The following U2AF2 variants were observed in gnomAD, a reference collection of about 807,000 sequenced individuals.
U2AF2 encodes splicing factor U2AF 65 kDa subunit.
Under a neutral mutation model 52.6 loss-of-function variants are expected in U2AF2, and 6 were observed. That is an observed-to-expected ratio of 0.11 (90% confidence interval 0.06 to 0.23). U2AF2 has a LOEUF of 0.23. Ranked by LOEUF, U2AF2 falls within the 10% of genes least tolerant of loss-of-function variation. U2AF2 has a pLI of 1.00. For synonymous variants in U2AF2, 284 were observed against 258.2 expected (o/e 1.10, Z -0.96); for missense variants, 222 against 677.1 (o/e 0.33, Z 7.46).
chr19:55,656,413 A>C (rs1408387103), intron 1 of U2AF2, among the ~76,000 whole-genome samples: 1 of 152,206 alleles, frequency 6.6e-6, no homozygotes, highest in African/African-American at 2.4e-5. Flanking sequence ...ACTGCTCAAG[A>C]GCATAGGCTT....
At chr19:55,666,117 G>T (rs1984534507) in intron 7 of U2AF2, among the ~76,000 whole-genome samples, 1 of 152,204 alleles carries the variant, frequency 6.6e-6, no homozygotes, top group African/African-American at 2.4e-5. Flanking sequence ...AGGTGATGGG[G>T]TGCTCTGGCA....
Position 55,674,274 on chromosome 19 carries a change from T to C in U2AF2, c.*206T>C, listed in dbSNP as rs1044600619. 1.9e-6 allele frequency: 1 copy of C among 529,802 alleles called. No homozygotes were observed. Among genetic ancestry groups the C allele is most frequent in the Admixed American group, 3.5e-5 (1 of 28,938 alleles). 32.8% of individuals were successfully genotyped at this position (529,802 alleles called of 1,614,324 possible). On this transcript the variant is annotated 3_prime_UTR_variant, in exon 12 of 12. Coordinates refer to ENST00000308924, the MANE Select transcript of U2AF2 (RefSeq NM_007279.3). ...TAGGGCAGGGAGGGGACTGGGGAAG[T>C]GCGCACACAGCCCACACAGACAACA...
rs138554269 is a variant in U2AF2 at position 55,674,044 on chromosome 19, T to C, written c.1404T>C (p.Ser468=). Residue 468 remains serine, a synonymous_variant, in exon 12 of 12, where the codon TCT becomes TCC. Transcript: ENST00000308924. ...VVVTKYCDPD[S]YHRRDFW ...TCACAAAATACTGTGACCCCGACTC[T>C]TATCACCGCCGGGACTTCTGGTAGA... 6.2e-7 allele frequency: 1 copy of C among 1,613,096 alleles called. No homozygotes were observed. The highest frequency in any genetic ancestry group is 1.3e-5 in the African/African-American group (1 of 75,020).
rs8791 is a variant in U2AF2 at position 55,674,397 on chromosome 19, T to C, written c.*329T>C. The C allele has an allele frequency of 7.2e-6, 2 of 278,058 alleles. No individual in the cohort carries two copies. Among genetic ancestry groups the C allele is most frequent in the Non-Finnish European group, 1.4e-5 (2 of 143,260 alleles). 17.2% of individuals were successfully genotyped at this position (278,058 alleles called of 1,614,324 possible). A position where few individuals can be genotyped will look rare whatever the true frequency, so the allele number is the denominator to read the frequency against. ...AGCCCCTCCCAAAACAGCCTCTCCT[T>C]CTCCCATAGACCCCTTTCTTCTCCC... is the stretch of plus-strand genomic sequence containing the variant. On this transcript the variant is annotated 3_prime_UTR_variant, in exon 12 of 12. Transcript: ENST00000308924.
chr19:55,671,056 G>A (rs544688603), intron 11 of U2AF2, among the ~76,000 whole-genome samples: 1 of 152,318 alleles, frequency 6.6e-6, no homozygotes, highest in Admixed American at 6.5e-5. Context: ...TGTCATGGAA[G>A]CAGCTCGGCT....
rs752418610 is a variant in U2AF2, at chr19:55,668,838, C to T, written c.945+46C>T. ...CGCTGCCGCGTCTGTCCTTCCCTGC[C>T]CTGCGCTGTTGCCAAGCCATGGTCT... On this transcript the variant is annotated intron_variant, in intron 9 of 11. Transcript: ENST00000308924. The surrounding 1 kb of genome is among the most constrained non-coding windows in gnomAD (Gnocchi z 5.5). 6.3e-7 allele frequency: 1 copy of T among 1,583,606 alleles called. No homozygotes were observed. Among genetic ancestry groups the T allele is most frequent in the Admixed American group, 1.7e-5 (1 of 58,626 alleles).
At chr19:55,656,279 G>T (rs183036501) in intron 1 of U2AF2, among the ~76,000 whole-genome samples, 158 of 152,334 alleles carry the variant, frequency 1.0e-3, no homozygotes, top group African/African-American at 3.5e-3. Context: ...TTCGGAGGAC[G>T]AAATGAGGGC....
At chr19:55,671,012 C>T (rs1196417954) in intron 11 of U2AF2, among the ~76,000 whole-genome samples, 1 of 152,198 alleles carries the variant, frequency 6.6e-6, no homozygotes, top group African/African-American at 2.4e-5. Flanking sequence ...AAGGCTGGCT[C>T]TGCAGGGCCA....
chr19:55,659,968 C>G (rs1339509601), intron 2 of U2AF2, among the ~76,000 whole-genome samples: 1 of 152,156 alleles, frequency 6.6e-6, no homozygotes, highest in African/African-American at 2.4e-5. Context: ...TTCCTGGCCC[C>G]TGGCCCCTTT....
At chr19:55,664,710 C>T (rs1226270218) in intron 7 of U2AF2, among the ~76,000 whole-genome samples, 1 of 152,122 alleles carries the variant, frequency 6.6e-6, no homozygotes, top group East Asian at 1.9e-4. Context: ...GCCTCCAGTG[C>T]TTTTCTTTTT....
chr19:55,674,053 C>T lies in U2AF2; in HGVS notation c.1413C>T (p.Arg471=). ...ACTGTGACCCCGACTCTTATCACCG[C>T]CGGGACTTCTGGTAGAGGCGGCTGG... ...TKYCDPDSYH[R]RDFW The change falls in exon 12 of 12, where the codon CGC becomes CGT. Residue 471 remains arginine, a synonymous_variant. Coordinates refer to ENST00000308924, the MANE Select transcript of U2AF2 (RefSeq NM_007279.3). 6.2e-7 allele frequency: 1 copy of T among 1,608,506 alleles called. No individual in the cohort carries two copies. The highest frequency in any genetic ancestry group is 8.5e-7 in the Non-Finnish European group (1 of 1,176,978).
intron 1 of U2AF2, among the ~76,000 whole-genome samples, chr19:55,656,434 C>T (rs190675175): frequency 2.8e-4 from 42 of 152,338 alleles, no homozygotes; most frequent in African/African-American, 9.4e-4. Flanking sequence ...TGGAGTTGAG[C>T]ACATCAGGAA....
At chr19:55,655,534 C>G (rs900999335) in intron 1 of U2AF2, among the ~76,000 whole-genome samples, 3 of 152,254 alleles carry the variant, frequency 2.0e-5, no homozygotes, top group Admixed American at 6.5e-5. Context: ...TCTTTTCTCC[C>G]GCTGCCTTGG....
chr19:55,669,247 T>C, intron 10 of U2AF2, 66 bp downstream of exon 10: 1 of 1,585,778 alleles, frequency 6.3e-7, no homozygotes, highest in Non-Finnish European at 8.6e-7. Flanking sequence ...AGGGGACAAG[T>C]GTTCCTGATC....
chr19:55,669,808 T>G, intron 11 of U2AF2, 116 bp downstream of exon 11: 2 of 1,394,132 alleles, frequency 1.4e-6, no homozygotes, highest in Non-Finnish European at 1.9e-6. Flanking sequence ...CGCGCGCTCT[T>G]TCTTCCTCTC....
At chr19:55,659,047 G>C (rs1035877024) in intron 1 of U2AF2, 163 bp from the exon 2 acceptor site, 3 of 1,170,768 alleles carry the variant, frequency 2.6e-6, no homozygotes, top group South Asian at 2.7e-5. Flanking sequence ...CCCTGGACTC[G>C]CTTGTGGACC....
intron 4 of U2AF2, 103 bp from the exon 5 acceptor site, chr19:55,660,935 G>C: frequency 6.7e-7 from 1 of 1,485,152 alleles, no homozygotes. Context: ...CCGAGAGCCT[G>C]TAGGAGCTTT....
intron 11 of U2AF2, among the ~76,000 whole-genome samples, chr19:55,673,110 G>A (rs888041223): frequency 1.3e-5 from 2 of 151,384 alleles, no homozygotes; most frequent in African/African-American, 4.9e-5. Flanking sequence ...GTAGAGATGG[G>A]GTTTCGCTAT....
intron 11 of U2AF2, among the ~76,000 whole-genome samples, chr19:55,673,654 A>G (rs1452323835): frequency 1.3e-5 from 2 of 152,206 alleles, no homozygotes; most frequent in African/African-American, 4.8e-5. Context: ...GAGCTCGTCT[A>G]GGCCTCCCGC....
Sources: allele counts gnomAD v4.1 joint callset (sites outside exome capture counted in the v4.1 genomes callset), GRCh38; gene constraint gnomAD v4.1.1; non-coding constraint Gnocchi (gnomAD v3.1); transcripts MANE v1.5; gene names NCBI Gene and HGNC (gene_info 2026-07-23, HGNC 2026-07-21).